Variants in LRRTM4 observed in about 807,000 individuals in gnomAD.
The protein encoded by LRRTM4 is leucine rich repeat transmembrane neuronal 4, also known as leucine-rich repeat transmembrane neuronal protein 4.
In LRRTM4, 25 loss-of-function variants were observed where a neutral mutation model predicts 47.6. The observed-to-expected ratio is 0.53, with a 90% CI of 0.38 to 0.73. The LOEUF is 0.73. LRRTM4 is among the 30% of genes least tolerant of loss of function. LRRTM4 has a pLI of 0.00. For synonymous variants in LRRTM4, 311 were observed against 269.5 expected (o/e 1.15, Z -1.51); for missense variants, 638 against 713.4 (o/e 0.89, Z 1.20).
At chr2:77,325,635 A>T (rs1670740227) in intron 3 of LRRTM4, among the ~76,000 whole-genome samples, 1 of 152,116 alleles carries the variant, frequency 6.6e-6, no homozygotes, top group Non-Finnish European at 1.5e-5. Flanking sequence ...GGGCCCTTTT[A>T]TGTTGAGTGT....
chr2:77,297,610 A>C (rs998221818), intron 3 of LRRTM4, among the ~76,000 whole-genome samples: 10 of 152,102 alleles, frequency 6.6e-5, no homozygotes, highest in Admixed American at 6.6e-4. Flanking sequence ...TCTTTGGTCT[A>C]TTTTACACCA....
chr2:76,819,932 T>C (rs963193562), intron 3 of LRRTM4, among the ~76,000 whole-genome samples: 5 of 151,974 alleles, frequency 3.3e-5, no homozygotes, highest in African/African-American at 1.2e-4. Flanking sequence ...CCACTGTACC[T>C]CCTTGGCATG....
intron 3 of LRRTM4, among the ~76,000 whole-genome samples, chr2:77,194,536 T>C (rs1217442529): frequency 6.6e-6 from 1 of 152,194 alleles, no homozygotes; most frequent in Non-Finnish European, 1.5e-5. Context: ...CAAAAATCTC[T>C]AGAAGTTTCT....
rs142239410 is a variant in LRRTM4 at position 77,060,976 on chromosome 2, A to T, written c.1552-312060T>A. On this transcript the variant is annotated intron_variant, in intron 3 of 3. Transcript: ENST00000409884. ...AAAAACAATAGCAAATTATAAAGTT[A>T]TATCAGTAAAAAACACAACAGTTTA... Among the ~76,000 whole-genome samples, 504 of 152,302 alleles carry T rather than the reference A, an allele frequency of 3.3e-3. 1 individual carries two copies. Among genetic ancestry groups the T allele is most frequent in the African/African-American group, 0.011 (477 of 41,574 alleles).
chr2:77,417,861 T>C (rs986175690), intron 3 of LRRTM4, among the ~76,000 whole-genome samples: 4 of 152,064 alleles, frequency 2.6e-5, no homozygotes, highest in South Asian at 2.1e-4. Context: ...TGTATACATA[T>C]GTAACAAACC....
rs199529106 is a variant in LRRTM4, at chr2:77,452,008, T to C, written c.1551+66310A>G. On this transcript the variant is annotated intron_variant, in intron 3 of 3. Coordinates refer to ENST00000409884, the MANE Select transcript of LRRTM4 (RefSeq NM_001134745.3). ...ACAGGAAGAATAGTAATGAGGGGAG[T>C]TGGAGAACCAGATGTAGGTTGGGGT... Among the ~76,000 whole-genome samples the C allele has an allele frequency of 3.4e-4, 52 of 151,876 alleles. No homozygotes were observed. The East Asian group carries it at 8.7e-3, about 26-fold the overall frequency.
chr2:77,061,105 GTTTTT>G lies in LRRTM4; in HGVS notation c.1552-312194_1552-312190del, dbSNP rs36044505. Among the ~76,000 whole-genome samples, 7 of 145,962 alleles carry G rather than the reference GTTTTT, an allele frequency of 4.8e-5. No individual in the cohort carries two copies. In the South Asian group the frequency reaches 1.5e-3, roughly 32 times the overall value. ...TTCTAACTCTGGACAAGCCATTAGA[GTTTTT>G]TTTTTTTAACCCCAGTTTCTTTAAA... is the stretch of plus-strand genomic sequence containing the variant. On this transcript the variant is annotated intron_variant, in intron 3 of 3. Coordinates refer to ENST00000409884, the MANE Select transcript of LRRTM4 (RefSeq NM_001134745.3).
At chr2:76,823,321 A>G (rs939197503) in intron 3 of LRRTM4, among the ~76,000 whole-genome samples, 1 of 151,464 alleles carries the variant, frequency 6.6e-6, no homozygotes, top group African/African-American at 2.4e-5. Context: ...ATGAATTTGC[A>G]TAAAAAGCAA....
At chr2:77,021,751 A>C (rs919442743) in intron 3 of LRRTM4, among the ~76,000 whole-genome samples, 2 of 152,184 alleles carry the variant, frequency 1.3e-5, no homozygotes, top group African/African-American at 4.8e-5. Context: ...GGAGCCTCTA[A>C]ATTTTGAAAG....
chr2:77,454,657 A>G (rs1189750255), intron 3 of LRRTM4, among the ~76,000 whole-genome samples: 1 of 152,208 alleles, frequency 6.6e-6, no homozygotes, highest in Non-Finnish European at 1.5e-5. Context: ...AGTAAATGTC[A>G]CAGAAATAAA....
At chr2:76,830,957 A>C (rs1394417431) in intron 3 of LRRTM4, among the ~76,000 whole-genome samples, 1 of 152,094 alleles carries the variant, frequency 6.6e-6, no homozygotes, top group Non-Finnish European at 1.5e-5. Context: ...TTTCAAAATT[A>C]TACAGGTTTT....
At chr2:76,889,941 A>T (rs1312979109) in intron 3 of LRRTM4, among the ~76,000 whole-genome samples, 1 of 151,916 alleles carries the variant, frequency 6.6e-6, no homozygotes. Flanking sequence ...TTATCTCAGG[A>T]CACTCTGTTC....
At chr2:77,234,053 G>A (rs1316544387) in intron 3 of LRRTM4, among the ~76,000 whole-genome samples, 1 of 152,064 alleles carries the variant, frequency 6.6e-6, no homozygotes, top group East Asian at 1.9e-4. Context: ...AAAATACTGG[G>A]ATTACAGGTG....
intron 3 of LRRTM4, among the ~76,000 whole-genome samples, chr2:77,419,457 C>A (rs1245552602): frequency 2.6e-5 from 4 of 152,242 alleles, no homozygotes; most frequent in Non-Finnish European, 2.9e-5. Flanking sequence ...TTCCCAAATA[C>A]TTTTAATCAT....
chr2:77,112,704 A>T (rs776809736), intron 3 of LRRTM4, among the ~76,000 whole-genome samples: 6 of 151,996 alleles, frequency 3.9e-5, no homozygotes, highest in Non-Finnish European at 7.4e-5. Context: ...AGATGACCAC[A>T]ATCATCCTAC....
At chr2:77,170,045 G>A (rs1314934218) in intron 3 of LRRTM4, among the ~76,000 whole-genome samples, 1 of 152,116 alleles carries the variant, frequency 6.6e-6, no homozygotes, top group African/African-American at 2.4e-5. Flanking sequence ...CCAAATGATA[G>A]TCCTCTAAGA....
At chr2:76,823,439 G>T (rs1671107048) in intron 3 of LRRTM4, among the ~76,000 whole-genome samples, 1 of 151,354 alleles carries the variant, frequency 6.6e-6, no homozygotes, top group South Asian at 2.1e-4. Context: ...CATTAAAACA[G>T]TGAGTTATTC....
intron 3 of LRRTM4, among the ~76,000 whole-genome samples, chr2:76,778,330 G>A (rs1674151480): frequency 7.1e-6 from 1 of 141,780 alleles, no homozygotes; most frequent in Admixed American, 7.0e-5. Context: ...GTTTCAGAAG[G>A]AATGGTACCA....
At chr2:76,786,429 G>C (rs4852416) in intron 3 of LRRTM4, among the ~76,000 whole-genome samples, 1 of 151,690 alleles carries the variant, frequency 6.6e-6, no homozygotes, top group Non-Finnish European at 1.5e-5. Context: ...TATCTTTTCA[G>C]TTCTTATATA....
Sources: allele counts gnomAD v4.1 joint callset (sites outside exome capture counted in the v4.1 genomes callset), GRCh38; gene constraint gnomAD v4.1.1; transcripts MANE v1.5; gene names NCBI Gene and HGNC (gene_info 2026-07-23, HGNC 2026-07-21).